LARGE1: variants seen among roughly 807,000 people sequenced by gnomAD.
LARGE1 encodes xylosyl- and glucuronyltransferase LARGE1.
A neutral mutation model predicts 87.6 loss-of-function variants in LARGE1; 43 were observed. That is an observed-to-expected ratio of 0.49 (90% CI 0.38 to 0.63). The LOEUF (loss-of-function observed/expected upper bound fraction) is 0.63. Among genes scored for constraint, LARGE1 ranks in the 30% least tolerant of loss-of-function variants. The pLI is 0.00. For missense variants in LARGE1, 802 were observed against 1,000.2 expected, an observed-to-expected ratio of 0.80 and a Z score of 2.67; for synonymous variants, 434 against 394.6, an observed-to-expected ratio of 1.10 and a Z score of -1.18.
chr22:33,394,357 C>T (rs2065645037), intron 7 of LARGE1, among the ~76,000 whole-genome samples: 1 of 152,124 alleles, frequency 6.6e-6, no homozygotes, highest in Non-Finnish European at 1.5e-5. Flanking sequence ...TGCCACCACA[C>T]CCAGCTAATT....
chr22:33,517,279 CCT>C (rs199725372), intron 6 of LARGE1, among the ~76,000 whole-genome samples: 1,547 of 152,262 alleles, frequency 0.01, 30 homozygotes, highest in African/African-American at 0.036. Context: ...CCTCCACACC[CCT>C]CTCTGTCCCA....
intron 6 of LARGE1, among the ~76,000 whole-genome samples, chr22:33,438,973 G>A (rs1344617906): frequency 6.6e-6 from 1 of 152,132 alleles, no homozygotes; most frequent in Non-Finnish European, 1.5e-5. Context: ...CACTTTGGGA[G>A]GCCAAGGTGG....
At chr22:33,242,687 C>T (rs1256187095) in intron 11 of LARGE1, among the ~76,000 whole-genome samples, 2 of 152,124 alleles carry the variant, frequency 1.3e-5, no homozygotes, top group Non-Finnish European at 2.9e-5. Context: ...AAAGTGAGAA[C>T]TAAACTCTAG....
the LARGE1 span, among the ~76,000 whole-genome samples, chr22:33,079,897 C>T: frequency 3.9e-5 from 6 of 152,056 alleles, no homozygotes; most frequent in Admixed American, 6.6e-5. Flanking sequence ...CTCTTTTCTC[C>T]GACAATGGCA....
At chr22:33,307,693 A>G (rs111868894) in intron 11 of LARGE1, among the ~76,000 whole-genome samples, 5,882 of 152,194 alleles carry the variant, frequency 0.039, 355 homozygotes, top group African/African-American at 0.14. Context: ...AAAGACAATC[A>G]ACAAACCAGA....
chr22:33,222,712 C>T (rs1193346526), intron 11 of LARGE1, among the ~76,000 whole-genome samples: 2 of 152,148 alleles, frequency 1.3e-5, no homozygotes, highest in African/African-American at 4.8e-5. Context: ...GGAGTAGAGC[C>T]TTCAAGGGGA....
the LARGE1 span, among the ~76,000 whole-genome samples, chr22:33,112,756 TGGAGTCCTTTTGAAGAGGGTCA>T: frequency 6.6e-6 from 1 of 152,178 alleles, no homozygotes; most frequent in East Asian, 1.9e-4. Flanking sequence ...GCAAGCAGGC[TGGAGTCCTTTTGAAGAGGGTCA>T]GGAAACAAAA....
At chr22:33,197,492 TA>T (rs1365512574) in intron 11 of LARGE1, among the ~76,000 whole-genome samples, 2 of 151,812 alleles carry the variant, frequency 1.3e-5, no homozygotes, top group African/African-American at 4.8e-5. Flanking sequence ...CTTCTAGAAA[TA>T]AAAAAATGGT....
intron 4 of LARGE1, among the ~76,000 whole-genome samples, chr22:33,618,381 C>G (rs2079642564): frequency 6.6e-6 from 1 of 152,198 alleles, no homozygotes; most frequent in African/African-American, 2.4e-5. Flanking sequence ...CATCTGTGAC[C>G]TTGAACAAAC....
At chr22:33,801,955 A>T (rs1185974079) in intron 1 of LARGE1, among the ~76,000 whole-genome samples, 1 of 152,146 alleles carries the variant, frequency 6.6e-6, no homozygotes, top group African/African-American at 2.4e-5. Flanking sequence ...TACTATTTTT[A>T]CTAATGAAAA....
chr22:33,372,433 G>A (rs974925368), intron 9 of LARGE1, among the ~76,000 whole-genome samples: 2 of 152,166 alleles, frequency 1.3e-5, no homozygotes, highest in Admixed American at 6.5e-5. Flanking sequence ...AGAAAAAGAG[G>A]TTTAAGGGAC....
chr22:33,848,830 C>T (rs2413205), intron 1 of LARGE1, among the ~76,000 whole-genome samples: 129,476 of 152,250 alleles, frequency 0.85, 55,183 homozygotes, highest in African/African-American at 0.9. Flanking sequence ...ATCACTTTCC[C>T]GAGATGCCTC....
At chr22:33,728,397 G>C (rs529007832) in intron 2 of LARGE1, among the ~76,000 whole-genome samples, 70 of 151,808 alleles carry the variant, frequency 4.6e-4, no homozygotes, top group Non-Finnish European at 8.7e-4. Flanking sequence ...AAATTAGCCA[G>C]GCACGGGGGT....
At chr22:33,682,356 G>A (rs2081801870) in intron 2 of LARGE1, among the ~76,000 whole-genome samples, 1 of 152,140 alleles carries the variant, frequency 6.6e-6, no homozygotes, top group Non-Finnish European at 1.5e-5. Flanking sequence ...GTGTCCAAAC[G>A]ACCTGTGATC....
chr22:33,346,613 T>C (rs927506268), intron 9 of LARGE1, among the ~76,000 whole-genome samples: 2 of 152,150 alleles, frequency 1.3e-5, no homozygotes, highest in African/African-American at 2.4e-5. Context: ...TCCTACCTTC[T>C]TTTCTACCAA....
chr22:33,119,889 C>G, the LARGE1 span, among the ~76,000 whole-genome samples: 1 of 152,106 alleles, frequency 6.6e-6, no homozygotes, highest in Non-Finnish European at 1.5e-5. Flanking sequence ...AGCATTTTCT[C>G]TGATAATCGA....
chr22:33,362,153 TTTTAA>T (rs1323208667), intron 9 of LARGE1, among the ~76,000 whole-genome samples: 1 of 149,220 alleles, frequency 6.7e-6, no homozygotes, highest in African/African-American at 2.5e-5. Flanking sequence ...TCCCTTCTCT[TTTTAA>T]TTTAAGACTC....
chr22:33,476,487 G>A (rs535239752), intron 6 of LARGE1, among the ~76,000 whole-genome samples: 28 of 152,234 alleles, frequency 1.8e-4, no homozygotes, highest in South Asian at 1.5e-3. Flanking sequence ...GATGCATCAC[G>A]TCTCTGTAAA....
chr22:33,819,915 T>C lies in LARGE1; in HGVS notation c.-82-58357A>G, dbSNP rs527766709. ...GACCATGTGACCAAGTCCTAGCCAG[T>C]AGGACATGTGCAGCGTGATGTGGGC... On this transcript the variant is annotated intron_variant, in intron 1 of 14. Transcript: ENST00000397394. 1.2e-4 allele frequency among the ~76,000 whole-genome samples: 18 copies of C among 152,282 alleles called. No individual in the cohort carries two copies. In the East Asian group the frequency reaches 2.9e-3, roughly 25 times the overall value.
Sources: gnomAD v4.1 joint callset for allele counts (sites outside exome capture counted in the v4.1 genomes callset) on GRCh38, gnomAD v4.1.1 for gene constraint, MANE v1.5 for transcripts, NCBI Gene and HGNC (gene_info 2026-07-23, HGNC 2026-07-21) for gene names.